SFMBT2: variants seen among roughly 807,000 people sequenced by gnomAD.
SFMBT2 encodes the protein Scm like with four mbt domains 2.
SFMBT2 carries 38 observed loss-of-function variants against 110.1 expected under a neutral mutation model. The ratio of observed to expected loss-of-function variants is 0.35; its 90% CI spans 0.27 to 0.45. The LOEUF is 0.45. Ranked by LOEUF, SFMBT2 falls within the 20% of genes least tolerant of loss-of-function variation. The pLI is 1.00. For synonymous variants in SFMBT2, 425 were observed against 425.4 expected (o/e 1.00, Z 0.01); for missense variants, 1,011 against 1,094.9 (o/e 0.92, Z 1.08).
chr10:7,318,933 C>G (rs964985726), intron 4 of SFMBT2, among the ~76,000 whole-genome samples: 2 of 152,134 alleles, frequency 1.3e-5, no homozygotes, highest in African/African-American at 4.8e-5. Context: ...AAGGGTGTTC[C>G]AGGCAGAGAG....
chr10:7,243,740 T>C, intron 8 of SFMBT2, 35 bp from the exon 9 acceptor site: 1 of 850,182 alleles, frequency 1.2e-6, no homozygotes, highest in Non-Finnish European at 2.0e-6. Context: ...CAAAGGTTAA[T>C]TCTTTAGAGT....
chr10:7,188,850 T>C (rs1588781806), intron 15 of SFMBT2, 117 bp from the exon 16 acceptor site: 2 of 788,126 alleles, frequency 2.5e-6, no homozygotes, highest in African/African-American at 1.7e-5. Flanking sequence ...TACACCCACA[T>C]GAAGTGAAGA....
At chr10:7,219,178 A>T (rs1377850623) in intron 11 of SFMBT2, among the ~76,000 whole-genome samples, 1 of 152,210 alleles carries the variant, frequency 6.6e-6, no homozygotes, top group Non-Finnish European at 1.5e-5. Flanking sequence ...CAGTTCACCC[A>T]ACTCTAGGTG....
chr10:7,169,642 C>G (rs1837810814), intron 20 of SFMBT2, among the ~76,000 whole-genome samples: 1 of 151,972 alleles, frequency 6.6e-6, no homozygotes. Context: ...GATATTTACA[C>G]CAGGACAACG....
chr10:7,258,914 C>A (rs980908576), intron 7 of SFMBT2, among the ~76,000 whole-genome samples: 5 of 152,194 alleles, frequency 3.3e-5, no homozygotes, highest in African/African-American at 1.2e-4. Context: ...TATTGCTGAA[C>A]ACTAATAAGC....
chr10:7,180,433 C>T (rs953088131), intron 16 of SFMBT2, among the ~76,000 whole-genome samples: 1 of 152,016 alleles, frequency 6.6e-6, no homozygotes, highest in Non-Finnish European at 1.5e-5. Flanking sequence ...GTCACTGTGC[C>T]CAGCCCCCTT....
chr10:7,337,375 T>G (rs930157068), intron 4 of SFMBT2, among the ~76,000 whole-genome samples: 2 of 152,224 alleles, frequency 1.3e-5, no homozygotes, highest in African/African-American at 4.8e-5. Flanking sequence ...CCAAATTTCA[T>G]GTACAATTGT....
intron 14 of SFMBT2, chr10:7,198,026 T>C (rs1167852213): frequency 3.0e-6 from 3 of 985,348 alleles, no homozygotes; most frequent in Non-Finnish European, 3.6e-6. Context: ...ACCTTGGAAA[T>C]TCTGATGCAT....
At chr10:7,229,730 T>G (rs150119278) in intron 9 of SFMBT2, among the ~76,000 whole-genome samples, 2,770 of 150,992 alleles carry the variant, frequency 0.018, 33 homozygotes, top group African/African-American at 0.033. Flanking sequence ...TGTTGTTGTT[T>G]TTTTTTTTGT....
Position 7,220,459 on chromosome 10 carries a change from C to T in SFMBT2, c.1282G>A (p.Ala428Thr). Residue 428 changes from alanine to threonine, a missense_variant, in exon 11 of 21, where the codon GCC becomes ACC. Physicochemically the swap from Ala to Thr is moderately conservative, Grantham distance 58. This residue lies in a region of SFMBT2 where 979 missense variants were observed against 1,016.1 expected (regional missense o/e 0.96). Coordinates refer to ENST00000397167, the MANE Select transcript of SFMBT2 (RefSeq NM_001387889.1). Reference protein sequence around the residue: ...NPRNPGELCVASVVSVKGRLM... With the variant: ...NPRNPGELCVTSVVSVKGRLM... ...CGCCCCTTCACACTCACAACGGAGG[C>T]CACACACAGTTCTCCTGGATTCCTG... 9 of 1,614,016 alleles carry T rather than the reference C, an allele frequency of 5.6e-6. No homozygotes were observed. Among genetic ancestry groups the T allele is most frequent in the South Asian group, 1.1e-5 (1 of 91,078 alleles).
chr10:7,203,704 TCAGAA>T (rs1839031654), intron 12 of SFMBT2: 1 of 983,602 alleles, frequency 1.0e-6, no homozygotes, highest in Admixed American at 6.2e-5. Flanking sequence ...CTGAGCAAGG[TCAGAA>T]TCTGCAGCTT....
At chr10:7,229,593 TC>T in intron 9 of SFMBT2, among the ~76,000 whole-genome samples, 1 of 71,458 alleles carries the variant, frequency 1.4e-5, no homozygotes, top group African/African-American at 4.8e-5. Context: ...AGACTCCATC[TC>T]AAAAAAAAAA....
At position 7,172,548 on chromosome 10, in the gene SFMBT2, C is replaced by G. The variant is rs374674288; in HGVS notation, c.2098G>C (p.Val700Leu). ...RRRKRRKSIF[V>L]QKKRRSSAVD... is the part of the protein sequence containing the mutation. ...GCAGAAGACCTCCGTTTCTTCTGCACGAAAATGGATTTCCGTCGCTTCCTC... is the reference window on the plus strand; with the variant it reads ...GCAGAAGACCTCCGTTTCTTCTGCAGGAAAATGGATTTCCGTCGCTTCCTC... The change falls in exon 18 of 21, where the codon GTG becomes CTG. Residue 700 changes from valine (V) to leucine (L), a missense_variant. This residue lies in a region of SFMBT2 where 979 missense variants were observed against 1,016.1 expected (regional missense o/e 0.96). Coordinates refer to ENST00000397167, the MANE Select transcript of SFMBT2 (RefSeq NM_001387889.1). The surrounding 1 kb of genome is among the most constrained non-coding windows in gnomAD (Gnocchi z 4.6). 7.4e-5 allele frequency: 120 copies of G among 1,614,054 alleles called. No homozygotes were observed. Among genetic ancestry groups the G allele is most frequent in the Non-Finnish European group, 7.6e-6 (9 of 1,180,044 alleles).
intron 20 of SFMBT2, among the ~76,000 whole-genome samples, chr10:7,167,354 T>C (rs546425933): frequency 1.3e-5 from 2 of 152,268 alleles, no homozygotes; most frequent in Admixed American, 6.5e-5. Context: ...AGCATGAGAT[T>C]ATGGAGTATA....
At chr10:7,249,772 C>G (rs1373810667) in intron 7 of SFMBT2, among the ~76,000 whole-genome samples, 1 of 152,202 alleles carries the variant, frequency 6.6e-6, no homozygotes, top group African/African-American at 2.4e-5. Context: ...TAAAACTCTC[C>G]ACCAGTGCAC....
chr10:7,351,241 TG>T (rs1032887073), intron 4 of SFMBT2, among the ~76,000 whole-genome samples: 8 of 152,214 alleles, frequency 5.3e-5, no homozygotes, highest in African/African-American at 1.9e-4. Context: ...TGTTTTTTCA[TG>T]GGGGCTTTGT....
chr10:7,390,602 C>T (rs1184667717), intron 1 of SFMBT2, among the ~76,000 whole-genome samples: 1 of 151,830 alleles, frequency 6.6e-6, no homozygotes, highest in Non-Finnish European at 1.5e-5. Flanking sequence ...TAGTCATGTA[C>T]CAAGTTTTTC....
chr10:7,174,422 C>T (rs74115597), intron 17 of SFMBT2, among the ~76,000 whole-genome samples: 11,051 of 152,232 alleles, frequency 0.073, 496 homozygotes, highest in African/African-American at 0.12. Flanking sequence ...AGCCTTAGAA[C>T]GAGACTGGGT....
chr10:7,259,988 A>C (rs1841143952), intron 7 of SFMBT2, among the ~76,000 whole-genome samples: 1 of 152,248 alleles, frequency 6.6e-6, no homozygotes, highest in Non-Finnish European at 1.5e-5. Context: ...ATAAGATTCA[A>C]AGATGCTGTT....
Sources: gnomAD v4.1 joint callset for allele counts (sites outside exome capture counted in the v4.1 genomes callset) on GRCh38, gnomAD v4.1.1 for gene constraint, gnomAD v4.1.1 regional missense constraint, Gnocchi (gnomAD v3.1) non-coding constraint, MANE v1.5 for transcripts, NCBI Gene and HGNC (gene_info 2026-07-23, HGNC 2026-07-21) for gene names.